The following RYR3 variants were observed in gnomAD, a reference collection of about 807,000 sequenced individuals.
RYR3 encodes the protein ryanodine receptor 3.
A neutral mutation model predicts 584.3 loss-of-function variants in RYR3; 207 were observed. The ratio of observed to expected loss-of-function variants is 0.35; its 90% CI spans 0.32 to 0.40. The LOEUF is 0.40. Among genes scored for constraint, RYR3 ranks in the 10% least tolerant of loss-of-function variants. The pLI, the probability that RYR3 is intolerant of heterozygous loss-of-function variation, is 1.00. For missense variants in RYR3, 5,616 were observed against 6,089.2 expected (o/e 0.92, Z 2.59); for synonymous variants, 2,416 against 2,248.5 (o/e 1.07, Z -2.11).
chr15:33,638,874 G>T (rs79547771), intron 27 of RYR3, among the ~76,000 whole-genome samples: 6 of 6,800 alleles, frequency 8.8e-4, no homozygotes, highest in Non-Finnish European at 1.2e-3. Flanking sequence ...AGTCCTGACA[G>T]GGGATGTAAC....
chr15:33,367,228 GA>G (rs1297114354), intron 1 of RYR3, among the ~76,000 whole-genome samples: 5 of 151,940 alleles, frequency 3.3e-5, no homozygotes, highest in Non-Finnish European at 1.5e-5. Flanking sequence ...TTGCATTTCT[GA>G]AAAAAAGTTC....
chr15:33,344,910 A>G (rs910852014), intron 1 of RYR3, among the ~76,000 whole-genome samples: 25 of 152,314 alleles, frequency 1.6e-4, no homozygotes, highest in Middle Eastern at 6.8e-3. Context: ...TTCTGATGCT[A>G]TAGCTGATGT....
chr15:33,661,720 C>T (rs565001526), intron 34 of RYR3, among the ~76,000 whole-genome samples: 209 of 152,242 alleles, frequency 1.4e-3, no homozygotes, highest in Non-Finnish European at 2.5e-3. Flanking sequence ...TCCATGGCCC[C>T]GGGATTGGGA....
Position 33,731,710 on chromosome 15 carries a change from A to G in RYR3, c.7424+16A>G. Reference sequence around the variant, plus strand: ...CCATTTGCAAGTAAGTACATATCCTATGTTGTTACTTCTGTGTATGCATCC... The same window carrying G: ...CCATTTGCAAGTAAGTACATATCCTGTGTTGTTACTTCTGTGTATGCATCC... On this transcript the variant is annotated intron_variant, in intron 48 of 103. Coordinates refer to ENST00000634891, the MANE Select transcript of RYR3 (RefSeq NM_001036.6). 1 of 1,535,876 alleles carries G rather than the reference A, an allele frequency of 6.5e-7. No individual in the cohort carries two copies. The highest frequency in any genetic ancestry group is 9.0e-7 in the Non-Finnish European group (1 of 1,111,686).
chr15:33,614,078 T>C (rs930731012), intron 19 of RYR3, among the ~76,000 whole-genome samples: 10 of 152,210 alleles, frequency 6.6e-5, no homozygotes. Context: ...TCAATAACTT[T>C]AGAATCTAAA....
chr15:33,545,252 T>C (rs1208250400), intron 8 of RYR3, among the ~76,000 whole-genome samples: 1 of 152,170 alleles, frequency 6.6e-6, no homozygotes, highest in Admixed American at 6.6e-5. Context: ...TAGAAACAGC[T>C]GGACAGAAAC....
intron 31 of RYR3, 33 bp downstream of exon 31, chr15:33,649,268 T>C: frequency 6.3e-7 from 1 of 1,594,758 alleles, no homozygotes; most frequent in Non-Finnish European, 8.5e-7. Flanking sequence ...GGGTTAGCCA[T>C]CGGGCTTCTC....
Position 33,311,195 on chromosome 15 carries a change from C to T in RYR3, c.51+99C>T, listed in dbSNP as rs1967209266. On this transcript the variant is annotated intron_variant, in intron 1 of 103. Transcript: ENST00000634891. This position sits in a 1 kb window ranked among gnomAD's most constrained non-coding sequence, Gnocchi z 4.4. The stretch of plus-strand genomic sequence containing the variant: ...TGCGCTGCGCCGCGGTGCCGGGTGC[C>T]CGGTGCCGGGCGCTTTCTCCGCACC... 5.3e-6 allele frequency: 5 copies of T among 951,118 alleles called. No homozygotes were observed. Among genetic ancestry groups the T allele is most frequent in the Non-Finnish European group, 7.1e-6 (5 of 700,840 alleles). 58.9% of individuals were successfully genotyped at this position (951,118 alleles called of 1,614,324 possible).
rs768489357 is a variant in RYR3 at position 33,503,626 on chromosome 15, C to T, written c.172-5C>T. ...GGTATCCTCATTCTGATTTTATTTC[C>T]ACAGTACATTCCTCCAGATCTCTGC... On this transcript the variant is annotated splice_region_variant and splice_polypyrimidine_tract_variant and intron_variant, in intron 2 of 103. Coordinates refer to ENST00000634891, the MANE Select transcript of RYR3 (RefSeq NM_001036.6). 1 of 1,569,928 alleles carries T rather than the reference C, an allele frequency of 6.4e-7. No individual in the cohort carries two copies. Among genetic ancestry groups the T allele is most frequent in the Admixed American group, 1.7e-5 (1 of 59,224 alleles).
chr15:33,393,865 C>T (rs2042146909), intron 1 of RYR3, among the ~76,000 whole-genome samples: 1 of 152,210 alleles, frequency 6.6e-6, no homozygotes, highest in African/African-American at 2.4e-5. Flanking sequence ...TGAGCAAGGA[C>T]TGTGTGCCAG....
rs755555885 is a variant in RYR3 at position 33,748,489 on chromosome 15, C to T, written c.8158C>T (p.Pro2720Ser). 35 of 1,613,278 alleles carry T rather than the reference C, an allele frequency of 2.2e-5. No homozygotes were observed. The Middle Eastern group carries it at 1.2e-3, about 53-fold the overall frequency. ...ANQGNSYSPA[P>S]LDLSNVVLSR... ...CTAGGGCAACAGCTACAGTCCTGCT[C>T]CCCTCGACCTCTCAAACGTTGTGCT... The change falls in exon 55 of 104, where the codon CCC becomes TCC. Residue 2720 changes from proline to serine, a missense_variant. Pro to Ser is a moderately conservative substitution (Grantham distance 74). Coordinates refer to ENST00000634891, the MANE Select transcript of RYR3 (RefSeq NM_001036.6).
chr15:33,837,027 A>G, intron 88 of RYR3, 40 bp downstream of exon 88: 1 of 1,478,498 alleles, frequency 6.8e-7, no homozygotes, highest in Non-Finnish European at 9.4e-7. Flanking sequence ...ACACAACTGT[A>G]ATTGGTCTGA....
At chr15:33,731,195 TA>T in intron 47 of RYR3, among the ~76,000 whole-genome samples, 1 of 152,190 alleles carries the variant, frequency 6.6e-6, no homozygotes, top group Admixed American at 6.5e-5. Context: ...AGGGAACAGA[TA>T]TTTATAGGAT....
intron 59 of RYR3, among the ~76,000 whole-genome samples, chr15:33,756,722 A>G (rs142579735): frequency 1.2e-4 from 19 of 152,202 alleles, no homozygotes; most frequent in African/African-American, 4.6e-4. Flanking sequence ...TAAAAGTTCT[A>G]TCCCAATGGC....
intron 69 of RYR3, among the ~76,000 whole-genome samples, chr15:33,806,796 C>T (rs2076235046): frequency 6.6e-6 from 1 of 151,172 alleles, no homozygotes; most frequent in Admixed American, 6.6e-5. Flanking sequence ...CTCTGTTGCC[C>T]AGTCTGGAGT....
intron 1 of RYR3, among the ~76,000 whole-genome samples, chr15:33,454,881 A>G (rs141235093): frequency 5.4e-4 from 82 of 152,302 alleles, no homozygotes; most frequent in Non-Finnish European, 1.1e-3. Context: ...CAGGAACCAG[A>G]TGAGGAGGAA....
At chr15:33,585,470 A>T (rs944037815) in intron 15 of RYR3, among the ~76,000 whole-genome samples, 1 of 152,190 alleles carries the variant, frequency 6.6e-6, no homozygotes, top group Non-Finnish European at 1.5e-5. Context: ...AAGGGGGAAA[A>T]GCCAAATAGA....
intron 51 of RYR3, among the ~76,000 whole-genome samples, chr15:33,741,479 C>T (rs1488959600): frequency 1.1e-3 from 7 of 6,152 alleles, no homozygotes; most frequent in African/African-American, 4.5e-3. Flanking sequence ...CATAACACTG[C>T]ATGCAATATA....
chr15:33,568,725 C>G (rs1299782832), intron 12 of RYR3, among the ~76,000 whole-genome samples: 2 of 152,206 alleles, frequency 1.3e-5, no homozygotes, highest in South Asian at 2.1e-4. Flanking sequence ...GCCACCATCC[C>G]TGGCCAATTC....
Sources: allele counts gnomAD v4.1 joint callset (sites outside exome capture counted in the v4.1 genomes callset), GRCh38; gene constraint gnomAD v4.1.1; non-coding constraint Gnocchi (gnomAD v3.1); transcripts MANE v1.5; gene names NCBI Gene and HGNC (gene_info 2026-07-23, HGNC 2026-07-21).